DDB2: variants seen among roughly 807,000 people sequenced by gnomAD.
DDB2 encodes DNA damage-binding protein 2.
A neutral mutation model predicts 50.5 loss-of-function variants in DDB2; 27 were observed. The observed-to-expected ratio is 0.53, with a 90% CI of 0.39 to 0.74. DDB2 has a LOEUF of 0.74. Ranked by LOEUF, DDB2 falls within the 30% of genes least tolerant of loss-of-function variation. The probability of loss-of-function intolerance (pLI) is 0.00; values close to 1 mark genes in which losing one functional copy is unlikely to be tolerated. For synonymous variants in DDB2, 176 were observed against 205.5 expected (o/e 0.86, Z 1.23); for missense variants, 424 against 545.6 (o/e 0.78, Z 2.22).
chr11:47,236,712 T>G (rs898581957), intron 7 of DDB2, among the ~76,000 whole-genome samples: 4 of 152,214 alleles, frequency 2.6e-5, no homozygotes, highest in Non-Finnish European at 5.9e-5. Flanking sequence ...AAATGATGAT[T>G]GAATATTGAG....
intron 3 of DDB2, among the ~76,000 whole-genome samples, chr11:47,227,099 C>CTTTTTTTTTTTTTTTTTTT (rs34243882): frequency 3.1e-5 from 1 of 32,144 alleles, no homozygotes; most frequent in African/African-American, 1.4e-4. Flanking sequence ...GGATATTAAC[C>CTTTTTTTTTTTTTTTTTTT]TTTTTTTTTT....
At position 47,234,923 on chromosome 11, in the gene DDB2, C is replaced by T. The variant is rs2135512289; in HGVS notation, c.869C>T (p.Pro290Leu). ...SFLYSLPHRH[P>L]VNAACFSPDG... ...CTCTACTCGCTGCCGCACAGGCATC[C>T]TGTCAACGCAGGTGTGATATCCCAG... The change falls in exon 6 of 10, where the codon CCT becomes CTT. Residue 290 changes from proline to leucine, a missense_variant. Physicochemically the swap from Pro to Leu is moderately conservative, Grantham distance 98 (BLOSUM62 -3). Coordinates refer to ENST00000256996, the MANE Select transcript of DDB2 (RefSeq NM_000107.3). 6.2e-7 allele frequency: 1 copy of T among 1,614,232 alleles called. No individual in the cohort carries two copies. Among genetic ancestry groups the T allele is most frequent in the Non-Finnish European group, 8.5e-7 (1 of 1,180,036 alleles).
intron 3 of DDB2, among the ~76,000 whole-genome samples, chr11:47,228,977 A>AAAATATCTATCTATCTATC (rs376107098): frequency 3.2e-5 from 4 of 124,658 alleles, no homozygotes; most frequent in Non-Finnish European, 3.3e-5. Context: ...AAAAAAAGAA[A>AAAATATCTATCTATCTATC]TATCTATCTA....
intron 1 of DDB2, 180 bp downstream of exon 1, chr11:47,215,443 C>A (rs924391389): frequency 1.3e-6 from 1 of 770,120 alleles, no homozygotes; most frequent in South Asian, 1.5e-5. Flanking sequence ...ACACCTCTCC[C>A]GCTAGGTAAC....
intron 3 of DDB2, 104 bp downstream of exon 3, chr11:47,217,153 A>G: frequency 1.1e-6 from 1 of 937,378 alleles, no homozygotes. Flanking sequence ...AGGTGGGTGG[A>G]TCACCTGAGG....
chr11:47,225,286 A>G (rs1310735038), intron 3 of DDB2, among the ~76,000 whole-genome samples: 3 of 150,408 alleles, frequency 2.0e-5, no homozygotes, highest in African/African-American at 7.3e-5. Context: ...AACAAGTAAT[A>G]CTGCTTTTTT....
intron 3 of DDB2, chr11:47,229,657 CTG>C (rs1399779570): frequency 5.3e-5 from 15 of 280,974 alleles, no homozygotes; most frequent in Non-Finnish European, 7.8e-5. Context: ...CGAATCAACT[CTG>C]TGGTGTTGAC....
chr11:47,232,134 A>T (rs1953657865), intron 3 of DDB2, among the ~76,000 whole-genome samples: 1 of 152,146 alleles, frequency 6.6e-6, no homozygotes, highest in Admixed American at 6.6e-5. Flanking sequence ...ACCTGAGGGC[A>T]GGAGTTCCAG....
chr11:47,223,226 T>C (rs1450513858), intron 3 of DDB2, among the ~76,000 whole-genome samples: 3 of 152,272 alleles, frequency 2.0e-5, no homozygotes, highest in Admixed American at 1.3e-4. Flanking sequence ...GGCTTACGCC[T>C]GTAATCCCAG....
At chr11:47,235,498 G>C in intron 7 of DDB2, 86 bp downstream of exon 7, 1 of 1,453,546 alleles carries the variant, frequency 6.9e-7, no homozygotes, top group Non-Finnish European at 9.4e-7. Flanking sequence ...AAGGGCTGAT[G>C]TGGTAAGCCT....
At chr11:47,224,629 G>A (rs1344679716) in intron 3 of DDB2, among the ~76,000 whole-genome samples, 1 of 152,130 alleles carries the variant, frequency 6.6e-6, no homozygotes, top group Non-Finnish European at 1.5e-5. Context: ...ATATGGTCCT[G>A]CAGGTGGTTG....
intron 3 of DDB2, among the ~76,000 whole-genome samples, chr11:47,232,438 G>A (rs1953662653): frequency 6.6e-6 from 1 of 151,928 alleles, no homozygotes; most frequent in Admixed American, 6.6e-5. Context: ...GATCGCTTGA[G>A]CTTAGGAGTT....
chr11:47,231,630 T>C (rs1010074757), intron 3 of DDB2, among the ~76,000 whole-genome samples: 1 of 152,184 alleles, frequency 6.6e-6, no homozygotes, highest in Non-Finnish European at 1.5e-5. Flanking sequence ...TTCCGTCATC[T>C]TCCCACCTCA....
chr11:47,223,563 G>A (rs1042842097), intron 3 of DDB2, among the ~76,000 whole-genome samples: 3 of 151,992 alleles, frequency 2.0e-5, no homozygotes, highest in Non-Finnish European at 2.9e-5. Context: ...GGCGGATCAC[G>A]AGATCAAGAG....
In DDB2 at chr11:47,238,912, G is replaced by A; in HGVS notation, c.*63G>A. On this transcript the variant is annotated 3_prime_UTR_variant, in exon 10 of 10. Coordinates refer to ENST00000256996, the MANE Select transcript of DDB2 (RefSeq NM_000107.3). ...GAGCCCACACATGGGATCAAGTCCT[G>A]CAAGCAGAGGTGGCGATTTGTTAAA... 1 of 1,572,784 alleles carries A rather than the reference G, an allele frequency of 6.4e-7. No homozygotes were observed. The highest frequency in any genetic ancestry group is 8.7e-7 in the Non-Finnish European group (1 of 1,146,640).
chr11:47,238,691 C>T (rs1953786781), intron 9 of DDB2, 109 bp from the exon 10 acceptor site: 1 of 1,256,728 alleles, frequency 8.0e-7, no homozygotes, highest in East Asian at 2.4e-5. Flanking sequence ...AGCCACCGCG[C>T]CCGGCCTTCC....
At chr11:47,238,403 CT>C (rs781240281) in intron 9 of DDB2, among the ~76,000 whole-genome samples, 143 of 146,598 alleles carry the variant, frequency 9.8e-4, no homozygotes, top group Admixed American at 1.4e-3. Context: ...CCTAGTATTT[CT>C]TTTTTTTTTT....
intron 4 of DDB2, 42 bp from the exon 5 acceptor site, chr11:47,234,531 T>C (rs1425514766): frequency 6.4e-7 from 1 of 1,551,728 alleles, no homozygotes; most frequent in South Asian, 1.1e-5. Flanking sequence ...AATAGGACTA[T>C]CTCTGTCCCC....
Position 47,216,960 on chromosome 11 carries a change from C to A in DDB2, c.367C>A (p.His123Asn). 6.2e-7 allele frequency: 1 copy of A among 1,614,056 alleles called. No individual in the cohort carries two copies. The highest frequency in any genetic ancestry group is 8.5e-7 in the Non-Finnish European group (1 of 1,179,912). ...TACATCCTTGGCGTGGCACCCAACT[C>A]ACCCCAGCACCGTGGCTGTGGGTTC... ...RATSLAWHPT[H>N]PSTVAVGSKG... The change falls in exon 3 of 10, where the codon CAC becomes AAC. Residue 123 changes from histidine to asparagine, a missense_variant. Physicochemically the swap from His to Asn is moderately conservative, Grantham distance 68. Coordinates refer to ENST00000256996, the MANE Select transcript of DDB2 (RefSeq NM_000107.3).
Sources: allele counts gnomAD v4.1 joint callset (sites outside exome capture counted in the v4.1 genomes callset), GRCh38; gene constraint gnomAD v4.1.1; transcripts MANE v1.5; gene names NCBI Gene and HGNC (gene_info 2026-07-23, HGNC 2026-07-21).